The following PCSK4 variants were observed in gnomAD, a reference collection of about 807,000 sequenced individuals.
The protein encoded by PCSK4 is proprotein convertase subtilisin/kexin type 4.
PCSK4 carries 64 observed loss-of-function variants against 80.3 expected under a neutral mutation model. That is an observed-to-expected ratio of 0.80 (90% confidence interval 0.65 to 0.98). PCSK4 has a LOEUF of 0.98. PCSK4 is among the 50% of genes least tolerant of loss of function. The probability of loss-of-function intolerance (pLI) is 0.00; values close to 1 mark genes in which losing one functional copy is unlikely to be tolerated. For missense variants in PCSK4, 1,213 were observed against 1,093.6 expected (o/e 1.11, Z -1.54); for synonymous variants, 561 against 487.6 (o/e 1.15, Z -1.98).
rs754188188 is a variant in PCSK4 at position 1,490,282 on chromosome 19, C to T, written c.65G>A (p.Arg22Gln). ...TCGGACCGGGGCCCACCCCACAGCC[C>T]GGGGGCGGACAAGGGCCAGGGCCAA... Residue 22 changes from arginine (R) to glutamine (Q), a missense_variant, in exon 1 of 15, where the codon CGG becomes CAG. Physicochemically the swap from Arg to Gln is conservative, Grantham distance 43 (BLOSUM62 1). Coordinates refer to ENST00000300954, the Ensembl canonical transcript of PCSK4. The T allele has an allele frequency of 1.9e-6, 3 of 1,593,792 alleles. No individual in the cohort carries two copies. The highest frequency in any genetic ancestry group is 2.2e-5 in the South Asian group (2 of 89,126).
rs114410467 is a variant in PCSK4 at position 1,483,247 on chromosome 19, G to A, written c.1571+37C>T. On this transcript the variant is annotated intron_variant, in intron 12 of 14. Coordinates refer to ENST00000300954, the Ensembl canonical transcript of PCSK4. ...GTAGATGGCAGCGTTTACCGACAGG[G>A]CATGAGGCCGCCCCCTCTCCTCTGC... is the stretch of plus-strand genomic sequence containing the variant. 5,372 of 1,503,722 alleles carry A rather than the reference G, an allele frequency of 3.6e-3. 116 individuals are homozygous for A. In the African/African-American group the frequency reaches 0.051, roughly 14 times the overall value. The allele number at this position is 1,503,722 out of a possible 1,614,324, so 93.1% of individuals were successfully genotyped here. A position where few individuals can be genotyped will look rare whatever the true frequency, so the allele number is the denominator to read the frequency against.
In PCSK4 at chr19:1,483,834, G is replaced by A. The variant is rs1184838271; in HGVS notation, c.1273+4C>T. 7 of 1,489,444 alleles carry A rather than the reference G, an allele frequency of 4.7e-6. No individual in the cohort carries two copies. In the Admixed American group the frequency reaches 6.9e-5, roughly 15 times the overall value. The allele number at this position is 1,489,444 out of a possible 1,614,324, so 92.3% of individuals were successfully genotyped here. A position where few individuals can be genotyped will look rare whatever the true frequency, so the allele number is the denominator to read the frequency against. On this transcript the variant is annotated splice_donor_region_variant and intron_variant, in intron 10 of 14. Coordinates refer to ENST00000300954, the Ensembl canonical transcript of PCSK4. ...GTCCCCGCCCCCGCCCGGCCCCGCC[G>A]CACCTTGGCGCCCCACGCCGTTGGT... is the stretch of plus-strand genomic sequence containing the variant.
At chr19:1,482,806 T>C in intron 13 of PCSK4, 90 bp downstream of exon 13, 1 of 1,399,698 alleles carries the variant, frequency 7.1e-7, no homozygotes, top group Non-Finnish European at 1.0e-6. Context: ...GAACCCCTTT[T>C]GCAGTGCGGT....
intron 8 of PCSK4, among the ~76,000 whole-genome samples, chr19:1,486,641 C>T (rs2084631168): frequency 6.6e-6 from 1 of 151,754 alleles, no homozygotes; most frequent in Non-Finnish European, 1.5e-5. Flanking sequence ...ACCATGTTAG[C>T]CAGGATGGTC....
At chr19:1,483,487 C>T (rs2084422528) in intron 11 of PCSK4, 24 bp from the exon 12 acceptor site, 5 of 1,544,144 alleles carry the variant, frequency 3.2e-6, no homozygotes, top group Non-Finnish European at 4.4e-6. Flanking sequence ...GGGGTGAGGA[C>T]CCTCCTGCGG....
rs1275816533 is a variant in PCSK4, at chr19:1,482,909, G to T, written c.1683C>A (p.Tyr561Ter). The T allele has an allele frequency of 1.9e-6, 3 of 1,571,442 alleles. No individual in the cohort carries two copies. The African/African-American group carries it at 4.0e-5, about 21-fold the overall frequency. Residue 561 changes from tyrosine (Y) to a stop codon, truncating the protein, a stop_gained, in exon 13 of 15, where the codon TAC (tyrosine) becomes TAA (stop). Transcript: ENST00000300954. LOFTEE classifies it high-confidence loss of function. ...CCCCGCCCTCACCCGTGTTGAAATA[G>T]TAGCCCTTGTTCTCTAGGCCCAGGG...
At chr19:1,482,628 CACTGGACACCGACATCTCCCGGGTG>C (rs1275764803) in intron 13 of PCSK4, 153 bp from the exon 14 acceptor site, 3 of 976,368 alleles carry the variant, frequency 3.1e-6, no homozygotes, top group East Asian at 2.6e-5. Flanking sequence ...GTGCGCCTGT[CACTGGACACCGACATCTCCCGGGTG>C]ACTGCACACC....
rs1050637193 is a variant in PCSK4, at chr19:1,483,958, C to T, written c.1170-17G>A. 9.9e-7 allele frequency: 1 copy of T among 1,007,958 alleles called. No individual in the cohort carries two copies. The highest frequency in any genetic ancestry group is 1.4e-6 in the Non-Finnish European group (1 of 717,488). The allele number at this position is 1,007,958 out of a possible 1,614,324, so 62.4% of individuals were successfully genotyped here. ...AGGAACGGGCTGCGGGGGGCGGGGG[C>T]GGGGGCGGGTGAGCCGCCGGGCCGC... On this transcript the variant is annotated splice_polypyrimidine_tract_variant and intron_variant, in intron 9 of 14. Transcript: ENST00000300954.
exon 11 of PCSK4, chr19:1,483,722 A>G: frequency 1.3e-6 from 2 of 1,595,658 alleles, no homozygotes; most frequent in Non-Finnish European, 8.5e-7. Context: ...GGCGGTGTCC[A>G]CCAGCAGCCC....
chr19:1,487,667 C>T (rs1449652503), exon 6 of PCSK4: 3 of 1,555,262 alleles, frequency 1.9e-6, no homozygotes, highest in South Asian at 2.4e-5. Context: ...TCGCGGCCAC[C>T]TCCCCAGCAC....
In PCSK4 at chr19:1,488,093, C is replaced by T; in HGVS notation, c.388-1G>A. ...TCAGGTCTGGTTGGGCCTCGCTGTTCTGCAGGGGGAGGCGGGGTTGTGACC... is the reference window on the plus strand; with the variant it reads ...TCAGGTCTGGTTGGGCCTCGCTGTTTTGCAGGGGGAGGCGGGGTTGTGACC... On this transcript the variant is annotated splice_acceptor_variant, in intron 3 of 14. Transcript: ENST00000300954. LOFTEE classifies it high-confidence loss of function. 6.2e-7 allele frequency: 1 copy of T among 1,612,954 alleles called. No individual in the cohort carries two copies. The highest frequency in any genetic ancestry group is 1.1e-5 in the South Asian group (1 of 91,072).
chr19:1,486,736 T>G, intron 8 of PCSK4, 117 bp downstream of exon 8: 2 of 873,384 alleles, frequency 2.3e-6, no homozygotes, highest in Non-Finnish European at 3.6e-6. Context: ...TCGGCCTGGA[T>G]TTGCATTTTC....
chr19:1,489,308 A>G (rs538836388), intron 2 of PCSK4, among the ~76,000 whole-genome samples: 9 of 151,486 alleles, frequency 5.9e-5, no homozygotes, highest in African/African-American at 2.2e-4. Flanking sequence ...ATTTTTTTGT[A>G]TTTTCAGTAG....
At chr19:1,489,606 G>C (rs2084830726) in intron 2 of PCSK4, 187 bp downstream of exon 2, 1 of 1,063,044 alleles carries the variant, frequency 9.4e-7, no homozygotes, top group Non-Finnish European at 1.3e-6. Flanking sequence ...GCCCTGGCAG[G>C]CGCCATGATT....
At chr19:1,485,728 G>C (rs745635035) in intron 8 of PCSK4, among the ~76,000 whole-genome samples, 5 of 151,876 alleles carry the variant, frequency 3.3e-5, no homozygotes, top group African/African-American at 4.8e-5. Context: ...AAAATTAGCC[G>C]GGCATGGTGG....
intron 8 of PCSK4, 72 bp downstream of exon 8, chr19:1,486,781 T>C: frequency 7.8e-7 from 1 of 1,285,280 alleles, no homozygotes. Context: ...GTCACAGTGG[T>C]GGGGACAGGA....
chr19:1,483,712 G>A (rs371445941), exon 11 of PCSK4: 1 of 1,596,290 alleles, frequency 6.3e-7, no homozygotes, highest in Non-Finnish European at 8.5e-7. Context: ...GCCAGGTGCG[G>A]GCGGTGTCCA....
intron 2 of PCSK4, 119 bp from the exon 3 acceptor site, chr19:1,488,399 G>C (rs1381617150): frequency 1.4e-6 from 1 of 726,842 alleles, no homozygotes; most frequent in Admixed American, 2.2e-5. Flanking sequence ...TGCTCTCCAG[G>C]GTCCCCATGT....
intron 8 of PCSK4, among the ~76,000 whole-genome samples, chr19:1,484,380 G>A (rs1386435082): frequency 6.6e-6 from 1 of 151,854 alleles, no homozygotes; most frequent in African/African-American, 2.4e-5. Flanking sequence ...CCAGCTACTC[G>A]GGAGGCTGAC....
Sources: allele counts gnomAD v4.1 joint callset (sites outside exome capture counted in the v4.1 genomes callset), GRCh38; gene constraint gnomAD v4.1.1; transcripts MANE v1.5; gene names NCBI Gene and HGNC (gene_info 2026-07-23, HGNC 2026-07-21).